The following NCOR2 variants were observed in gnomAD, a reference collection of about 807,000 sequenced individuals.
The protein encoded by NCOR2 is nuclear receptor corepressor 2.
NCOR2 carries 81 observed loss-of-function variants against 262.9 expected under a neutral mutation model. The ratio of observed to expected loss-of-function variants is 0.31; its 90% confidence interval spans 0.26 to 0.37. The LOEUF is 0.37. Among genes scored for constraint, NCOR2 ranks in the 10% least tolerant of loss-of-function variants. The probability of loss-of-function intolerance (pLI) is 1.00; values close to 1 mark genes in which losing one functional copy is unlikely to be tolerated. For synonymous variants in NCOR2, 1,659 were observed against 1,559.3 expected, an observed-to-expected ratio of 1.06 and a Z score of -1.51; for missense variants, 3,385 against 3,621.4, an observed-to-expected ratio of 0.93 and a Z score of 1.68.
chr12:124,344,816 G>C (rs1341422685), exon 32 of NCOR2: 3 of 1,555,008 alleles, frequency 1.9e-6, no homozygotes, highest in African/African-American at 2.7e-5. Flanking sequence ...GCACGTTCCA[G>C]TGCCCGGGCG....
chr12:124,546,249 A>G (rs1361744129), intron 1 of NCOR2, among the ~76,000 whole-genome samples: 1 of 152,248 alleles, frequency 6.6e-6, no homozygotes, highest in East Asian at 1.9e-4. Flanking sequence ...CAGTGAGCGA[A>G]TGCCTGCCTA....
At chr12:124,532,952 ACTCCTCTTCCCCCCTCCCTCC>A (rs2050907895) in intron 1 of NCOR2, among the ~76,000 whole-genome samples, 2 of 20,080 alleles carry the variant, frequency 1.0e-4, no homozygotes, top group African/African-American at 1.9e-4. Context: ...TCCAAATCCC[ACTCCTCTTCCCCCCTCCCTCC>A]AAATCCCACT....
chr12:124,412,923 G>C (rs2042661567), intron 13 of NCOR2, among the ~76,000 whole-genome samples: 1 of 139,246 alleles, frequency 7.2e-6, no homozygotes, highest in Non-Finnish European at 1.7e-5. Flanking sequence ...CCTCAGACAG[G>C]GGGAACTCCA....
intron 13 of NCOR2, among the ~76,000 whole-genome samples, chr12:124,405,230 G>A (rs554092806): frequency 7.1e-4 from 108 of 152,282 alleles, no homozygotes; most frequent in South Asian, 1.9e-3. Context: ...GCCTGGCTCC[G>A]TCCCACATGG....
At chr12:124,515,126 G>A (rs1342931816) in intron 1 of NCOR2, among the ~76,000 whole-genome samples, 1 of 152,158 alleles carries the variant, frequency 6.6e-6, no homozygotes, top group Non-Finnish European at 1.5e-5. Context: ...GAGGCACAAA[G>A]CAAACTCTGC....
chr12:124,372,146 T>C (rs1593257144), exon 20 of NCOR2: 1 of 1,601,626 alleles, frequency 6.2e-7, no homozygotes, highest in Non-Finnish European at 8.5e-7. Flanking sequence ...CCCTCCTTCT[T>C]CTCTGCCTTG....
chr12:124,458,841 T>C (rs1374603570), intron 5 of NCOR2, among the ~76,000 whole-genome samples: 1 of 152,116 alleles, frequency 6.6e-6, no homozygotes, highest in Admixed American at 6.5e-5. Context: ...GGAGAGTCAA[T>C]GTCCCAGCCA....
chr12:124,442,237 G>T (rs1233436903), intron 7 of NCOR2, among the ~76,000 whole-genome samples: 1 of 152,148 alleles, frequency 6.6e-6, no homozygotes, highest in Non-Finnish European at 1.5e-5. Context: ...TTGAACTCCT[G>T]GGCTCAAGCA....
At chr12:124,547,074 C>T (rs990876193) in intron 1 of NCOR2, among the ~76,000 whole-genome samples, 1 of 152,170 alleles carries the variant, frequency 6.6e-6, no homozygotes, top group South Asian at 2.1e-4. Flanking sequence ...ACTGCAACCT[C>T]GACCTCCCAA....
Position 124,426,617 on chromosome 12 carries a change from C to T in NCOR2, c.1328+5G>A, listed in dbSNP as rs746916259. 6.3e-7 allele frequency: 1 copy of T among 1,577,462 alleles called. No homozygotes were observed. ...GGAGGCCAGGCCAGGTGATGGAGGA[C>T]TCACTTCTCCCGGAAGGTCTCCTTC... On this transcript the variant is annotated splice_donor_5th_base_variant and intron_variant, in intron 11 of 46. Coordinates refer to ENST00000405201, the Ensembl canonical transcript of NCOR2.
At chr12:124,473,181 A>G (rs1036749536) in intron 3 of NCOR2, 50 bp from the exon 6 acceptor site, 9 of 1,599,894 alleles carry the variant, frequency 5.6e-6, no homozygotes, top group Non-Finnish European at 8.5e-7. Flanking sequence ...GACACCCCCC[A>G]GTCTGTACAA....
At chr12:124,338,334 C>T (rs185011661) in intron 37 of NCOR2, among the ~76,000 whole-genome samples, 347 of 152,100 alleles carry the variant, frequency 2.3e-3, no homozygotes, top group Non-Finnish European at 3.9e-3. Flanking sequence ...GTGGTGAAAC[C>T]GCATTTCTAC....
At chr12:124,346,526 C>T (rs1416314218) in intron 31 of NCOR2, 38 bp downstream of exon 33, 1 of 1,483,272 alleles carries the variant, frequency 6.7e-7, no homozygotes, top group Admixed American at 2.2e-5. Context: ...CGCCACCCCT[C>T]CTAGAACTGG....
intron 7 of NCOR2, among the ~76,000 whole-genome samples, chr12:124,438,730 GGGAAACAGAGAACC>G (rs2044541278): frequency 6.7e-6 from 1 of 149,492 alleles, no homozygotes; most frequent in Non-Finnish European, 1.5e-5. Context: ...CAGAGAGACA[GGGAAACAGAGAACC>G]AGAGAGAGAG....
chr12:124,432,526 C>G lies in NCOR2; in HGVS notation c.883-1739G>C, dbSNP rs1301545536. 2.6e-5 allele frequency among the ~76,000 whole-genome samples: 4 copies of G among 152,210 alleles called. No individual in the cohort carries two copies. On this transcript the variant is annotated intron_variant, in intron 8 of 46. Coordinates refer to ENST00000405201, the Ensembl canonical transcript of NCOR2. The surrounding 1 kb of genome is among the most constrained non-coding windows in gnomAD (Gnocchi z 5.1). Reference sequence around the variant, plus strand: ...CAGCCACATGCGGCTGGGGCTCCGGCCGCACCAGACAGCCCGGATGGAGCC... The same window carrying G: ...CAGCCACATGCGGCTGGGGCTCCGGGCGCACCAGACAGCCCGGATGGAGCC...
Position 124,389,689 on chromosome 12 carries a change from GGGATCCC to G in NCOR2, c.1877-3809_1877-3803del, listed in dbSNP as rs926899987. On this transcript the variant is annotated intron_variant, in intron 16 of 46. Coordinates refer to ENST00000405201, the Ensembl canonical transcript of NCOR2. The surrounding 1 kb of genome is among the most constrained non-coding windows in gnomAD (Gnocchi z 4.4). ...GGCAGGGCTAGCCTCGCATTCCGGA[GGGATCCC>G]GGGATTTGAGGAGCCTTTGCAGGGT... 6.6e-6 allele frequency among the ~76,000 whole-genome samples: 1 copy of G among 152,154 alleles called. No homozygotes were observed. Among genetic ancestry groups the G allele is most frequent in the Non-Finnish European group, 1.5e-5 (1 of 68,034 alleles).
chr12:124,523,839 G>T lies in NCOR2; in HGVS notation c.-118+11726C>A, dbSNP rs2050319322. Among the ~76,000 whole-genome samples, 2 of 152,162 alleles carry T rather than the reference G, an allele frequency of 1.3e-5. No homozygotes were observed. The highest frequency in any genetic ancestry group is 4.1e-4 in the South Asian group (2 of 4,826). Reference sequence around the variant, plus strand: ...AGCAGTGAAGTGACTTGCCCAAGGGGACGGGGCTGGGAAGTGGCAATGTCG... The same window carrying T: ...AGCAGTGAAGTGACTTGCCCAAGGGTACGGGGCTGGGAAGTGGCAATGTCG... On this transcript the variant is annotated intron_variant, in intron 1 of 46. Coordinates refer to the NCOR2 transcript ENST00000404621. This position sits in a 1 kb window ranked among gnomAD's most constrained non-coding sequence, Gnocchi z 4.0.
chr12:124,499,973 G>C (rs569311415), upstream of NCOR2, among the ~76,000 whole-genome samples: 3 of 152,222 alleles, frequency 2.0e-5, no homozygotes, highest in Admixed American at 2.0e-4. Flanking sequence ...GACTCTGCAG[G>C]CCGAGGAAAC....
intron 4 of NCOR2, among the ~76,000 whole-genome samples, chr12:124,469,867 T>A (rs776127889): frequency 6.6e-5 from 10 of 151,896 alleles, no homozygotes; most frequent in Non-Finnish European, 1.3e-4. Flanking sequence ...TAAAGGAAGA[T>A]AAAAAAGGGT....
Sources: gnomAD v4.1 joint callset for allele counts (sites outside exome capture counted in the v4.1 genomes callset) on GRCh38, gnomAD v4.1.1 for gene constraint, Gnocchi (gnomAD v3.1) non-coding constraint, MANE v1.5 for transcripts, NCBI Gene and HGNC (gene_info 2026-07-23, HGNC 2026-07-21) for gene names.